The following ABHD17C variants were observed in gnomAD, a reference collection of about 807,000 sequenced individuals.
ABHD17C encodes alpha/beta hydrolase domain-containing protein 17C.
In ABHD17C, 11 loss-of-function variants were observed where a neutral mutation model predicts 27.9. The ratio of observed to expected loss-of-function variants is 0.39; its 90% CI spans 0.25 to 0.65. The LOEUF is 0.65. Among genes scored for constraint, ABHD17C ranks in the 30% least tolerant of loss-of-function variants. ABHD17C has a pLI of 0.45. For synonymous variants in ABHD17C, 233 were observed against 209.1 expected, an observed-to-expected ratio of 1.11 and a Z score of -0.98; for missense variants, 280 against 470.2, an observed-to-expected ratio of 0.60 and a Z score of 3.74.
intron 1 of ABHD17C, among the ~76,000 whole-genome samples, chr15:80,737,084 TACTCAGCATAGCCTGTG>T: frequency 6.6e-6 from 1 of 152,224 alleles, no homozygotes; most frequent in South Asian, 2.1e-4. Context: ...GATCAACCTG[TACTCAGCATAGCCTGTG>T]ACTGCAAAAG....
intron 1 of ABHD17C, among the ~76,000 whole-genome samples, chr15:80,716,140 C>T (rs1894801024): frequency 6.6e-6 from 1 of 152,136 alleles, no homozygotes; most frequent in Admixed American, 6.5e-5. Context: ...ATGGAGTCTG[C>T]AACATGCCTA....
At chr15:80,727,112 G>A (rs1596067532) in intron 1 of ABHD17C, among the ~76,000 whole-genome samples, 1 of 152,354 alleles carries the variant, frequency 6.6e-6, no homozygotes, top group East Asian at 1.9e-4. Context: ...TAACTCGTCT[G>A]AAAGTGTTGT....
chr15:80,724,464 G>A (rs1894944563), intron 1 of ABHD17C, among the ~76,000 whole-genome samples: 1 of 152,208 alleles, frequency 6.6e-6, no homozygotes, highest in Non-Finnish European at 1.5e-5. Context: ...GGTCGTCACT[G>A]TGGAAGTTGG....
chr15:80,753,324 A>C (rs1168754654), intron 2 of ABHD17C, among the ~76,000 whole-genome samples: 1 of 152,198 alleles, frequency 6.6e-6, no homozygotes, highest in Non-Finnish European at 1.5e-5. Flanking sequence ...AGCCAATTGC[A>C]GTGTGGTATT....
At chr15:80,722,393 C>T (rs1006535247) in intron 1 of ABHD17C, among the ~76,000 whole-genome samples, 8 of 147,096 alleles carry the variant, frequency 5.4e-5, no homozygotes, top group Non-Finnish European at 1.0e-4. Flanking sequence ...AAAAGAACTG[C>T]TTTGTTGCGC....
intron 1 of ABHD17C, among the ~76,000 whole-genome samples, chr15:80,729,917 G>A (rs1387231929): frequency 6.6e-6 from 1 of 151,578 alleles, no homozygotes; most frequent in African/African-American, 2.4e-5. Flanking sequence ...TTCAAGATCA[G>A]CCTGGGGGCC....
At chr15:80,747,169 A>G (rs1895299341) in intron 1 of ABHD17C, among the ~76,000 whole-genome samples, 1 of 152,154 alleles carries the variant, frequency 6.6e-6, no homozygotes, top group African/African-American at 2.4e-5. Flanking sequence ...TCATTGTGGA[A>G]AGAACTCATC....
intron 1 of ABHD17C, among the ~76,000 whole-genome samples, chr15:80,701,911 C>G (rs905609061): frequency 6.6e-6 from 1 of 152,114 alleles, no homozygotes; most frequent in Non-Finnish European, 1.5e-5. Flanking sequence ...TCCAAGTGCT[C>G]TTTTGTCATA....
chr15:80,733,703 G>A (rs1247804773), intron 1 of ABHD17C, among the ~76,000 whole-genome samples: 1 of 152,136 alleles, frequency 6.6e-6, no homozygotes, highest in East Asian at 1.9e-4. Context: ...GCAAGTCAGT[G>A]TCAAGCAGGC....
intron 1 of ABHD17C, among the ~76,000 whole-genome samples, chr15:80,707,859 A>G (rs1432160828): frequency 6.6e-6 from 1 of 152,220 alleles, no homozygotes; most frequent in Non-Finnish European, 1.5e-5. Flanking sequence ...ATTTAATTGG[A>G]ATAAATTAGT....
intron 2 of ABHD17C, among the ~76,000 whole-genome samples, chr15:80,752,463 G>A (rs529801174): frequency 5.9e-5 from 9 of 152,220 alleles, no homozygotes; most frequent in African/African-American, 9.6e-5. Context: ...TTATCTCCAC[G>A]ACCTCATTCC....
At chr15:80,733,908 T>C (rs919158296) in intron 1 of ABHD17C, among the ~76,000 whole-genome samples, 2 of 152,112 alleles carry the variant, frequency 1.3e-5, no homozygotes, top group African/African-American at 4.8e-5. Context: ...ATGAAATCTG[T>C]ACCTTAACTT....
At chr15:80,726,219 C>T (rs991833156) in intron 1 of ABHD17C, among the ~76,000 whole-genome samples, 6 of 152,290 alleles carry the variant, frequency 3.9e-5, no homozygotes, top group South Asian at 2.1e-4. Context: ...CCACCCTGGG[C>T]GGGCCAGGTG....
chr15:80,709,569 C>T (rs1034244360), intron 1 of ABHD17C, among the ~76,000 whole-genome samples: 6 of 152,082 alleles, frequency 3.9e-5, no homozygotes, highest in African/African-American at 1.4e-4. Flanking sequence ...GTTGCATACT[C>T]CTCGAAGACT....
chr15:80,729,320 C>T (rs11072938), intron 1 of ABHD17C, among the ~76,000 whole-genome samples: 33,201 of 152,078 alleles, frequency 0.22, 4,115 homozygotes, highest in South Asian at 0.3. Context: ...TACATAAATT[C>T]TGCCTTGTGC....
At chr15:80,741,592 T>C (rs1028901973) in intron 1 of ABHD17C, among the ~76,000 whole-genome samples, 18 of 152,154 alleles carry the variant, frequency 1.2e-4, no homozygotes, top group African/African-American at 4.3e-4. Context: ...TCTTATTAAG[T>C]TGAGAACTTC....
At chr15:80,699,361 C>G (rs770914731) in intron 1 of ABHD17C, among the ~76,000 whole-genome samples, 17 of 151,938 alleles carry the variant, frequency 1.1e-4, no homozygotes, top group Non-Finnish European at 1.3e-4. Context: ...TGGACTCTTA[C>G]AAGTACTTGG....
At chr15:80,725,104 G>A (rs554088542) in intron 1 of ABHD17C, among the ~76,000 whole-genome samples, 10 of 152,306 alleles carry the variant, frequency 6.6e-5, no homozygotes, top group East Asian at 1.9e-4. Flanking sequence ...TAACCAACAC[G>A]ATTTTGTCTA....
intron 1 of ABHD17C, among the ~76,000 whole-genome samples, chr15:80,722,636 C>T (rs1894913265): frequency 6.6e-6 from 1 of 151,720 alleles, no homozygotes; most frequent in Non-Finnish European, 1.5e-5. Context: ...TATTGTTAAT[C>T]ATATGCTCTA....
Sources: gnomAD v4.1 joint callset for allele counts (sites outside exome capture counted in the v4.1 genomes callset) on GRCh38, gnomAD v4.1.1 for gene constraint, MANE v1.5 for transcripts, NCBI Gene and HGNC (gene_info 2026-07-23, HGNC 2026-07-21) for gene names.